Variants in CDH12 observed in about 807,000 individuals in gnomAD.
CDH12 encodes cadherin 12.
In CDH12, 41 loss-of-function variants were observed where a neutral mutation model predicts 74.1. The observed-to-expected ratio is 0.55, with a 90% confidence interval of 0.43 to 0.72. The LOEUF (loss-of-function observed/expected upper bound fraction) is 0.72, where lower values mean the gene tolerates loss of function less well. Among genes scored for constraint, CDH12 ranks in the 30% least tolerant of loss-of-function variants. CDH12 has a pLI of 0.00. For synonymous variants in CDH12, 399 were observed against 355.0 expected (o/e 1.12, Z -1.39); for missense variants, 945 against 977.2 (o/e 0.97, Z 0.44).
intron 5 of CDH12, among the ~76,000 whole-genome samples, chr5:21,977,313 C>G (rs1757110739): frequency 6.6e-6 from 1 of 151,964 alleles, no homozygotes; most frequent in Admixed American, 6.6e-5. Context: ...AGCATAAAAT[C>G]AAGCAGTAGA....
At chr5:22,135,758 A>T (rs548727349) in intron 4 of CDH12, among the ~76,000 whole-genome samples, 1 of 152,036 alleles carries the variant, frequency 6.6e-6, no homozygotes, top group Non-Finnish European at 1.5e-5. Flanking sequence ...CTGGTGACTG[A>T]TGGTGGGTAA....
chr5:21,830,199 CAAAAAAAAAAAAAAAAAA>C (rs1055199877), intron 8 of CDH12, among the ~76,000 whole-genome samples: 1 of 25,234 alleles, frequency 4.0e-5, no homozygotes, highest in African/African-American at 1.2e-4. Flanking sequence ...AACTCCTTCT[CAAAAAAAAAAAAAAAAAA>C]AAAAAAAAAA....
chr5:22,252,885 A>G (rs1351089298), intron 3 of CDH12, among the ~76,000 whole-genome samples: 1 of 151,820 alleles, frequency 6.6e-6, no homozygotes, highest in Non-Finnish European at 1.5e-5. Flanking sequence ...TACTGAAAAC[A>G]TGTATCCTTT....
At chr5:22,050,389 G>A (rs564517552) in intron 5 of CDH12, among the ~76,000 whole-genome samples, 2 of 152,158 alleles carry the variant, frequency 1.3e-5, no homozygotes, top group East Asian at 3.9e-4. Flanking sequence ...TTTCAAATAT[G>A]TGTGACTGTG....
intron 5 of CDH12, among the ~76,000 whole-genome samples, chr5:22,024,937 T>A (rs999888585): frequency 6.6e-6 from 1 of 152,176 alleles, no homozygotes; most frequent in African/African-American, 2.4e-5. Flanking sequence ...TTTGTCTTTA[T>A]AGAAACCCAC....
At chr5:22,366,382 A>G (rs1009781732) in intron 3 of CDH12, among the ~76,000 whole-genome samples, 15 of 152,206 alleles carry the variant, frequency 9.9e-5, no homozygotes, top group African/African-American at 3.4e-4. Context: ...ATGTATAGAG[A>G]TAGATAAATA....
intron 7 of CDH12, among the ~76,000 whole-genome samples, chr5:21,847,881 TG>T (rs1750262982): frequency 6.6e-6 from 1 of 152,166 alleles, no homozygotes; most frequent in Admixed American, 6.6e-5. Flanking sequence ...TTATTCTGTT[TG>T]TTTTATGTTT....
intron 1 of CDH12, chr5:22,639,057 A>C: frequency 2.6e-5 from 1 of 38,066 alleles, no homozygotes; most frequent in Non-Finnish European, 4.9e-5. Flanking sequence ...CCTCAAAAAA[A>C]AAAAAAAAAA....
intron 6 of CDH12, among the ~76,000 whole-genome samples, chr5:21,917,068 C>T (rs2150068671): frequency 6.6e-6 from 1 of 152,270 alleles, no homozygotes; most frequent in South Asian, 2.1e-4. Flanking sequence ...CTCTCTAGGC[C>T]CCCTTTTCTG....
chr5:22,539,536 G>A (rs914398843), intron 1 of CDH12, among the ~76,000 whole-genome samples: 8 of 152,266 alleles, frequency 5.3e-5, no homozygotes, highest in South Asian at 4.1e-4. Context: ...ACAACCAATC[G>A]TCTCCTTGCT....
intron 1 of CDH12, among the ~76,000 whole-genome samples, chr5:22,818,003 G>T (rs1174841954): frequency 1.3e-5 from 2 of 152,174 alleles, no homozygotes; most frequent in African/African-American, 4.8e-5. Context: ...TGGAAGGGTT[G>T]TGTAGTGTGT....
chr5:22,452,679 A>C (rs957715626), intron 2 of CDH12, among the ~76,000 whole-genome samples: 8 of 151,872 alleles, frequency 5.3e-5, no homozygotes, highest in African/African-American at 1.9e-4. Flanking sequence ...TTTTTTAGAC[A>C]GGAACTCAAA....
At chr5:22,592,316 T>C (rs1736374926) in intron 1 of CDH12, among the ~76,000 whole-genome samples, 1 of 152,164 alleles carries the variant, frequency 6.6e-6, no homozygotes, top group Non-Finnish European at 1.5e-5. Context: ...TTCACCAAAG[T>C]GCAAACAGTA....
chr5:22,266,747 T>A (rs377596298), intron 3 of CDH12, among the ~76,000 whole-genome samples: 1 of 152,146 alleles, frequency 6.6e-6, no homozygotes, highest in Non-Finnish European at 1.5e-5. Flanking sequence ...AGCAGAGAAA[T>A]GCACTTGATG....
intron 5 of CDH12, among the ~76,000 whole-genome samples, chr5:22,041,569 G>A (rs1447268350): frequency 1.3e-5 from 2 of 151,936 alleles, no homozygotes; most frequent in East Asian, 3.9e-4. Context: ...AATCACAAGA[G>A]ACAAAGAAGA....
chr5:21,897,987 T>C (rs1477545603), intron 6 of CDH12, among the ~76,000 whole-genome samples: 1 of 151,720 alleles, frequency 6.6e-6, no homozygotes, highest in Admixed American at 6.6e-5. Flanking sequence ...GAGTAGGTTA[T>C]ATGCCACTTA....
At chr5:21,870,916 G>C (rs1259482822) in intron 6 of CDH12, among the ~76,000 whole-genome samples, 2 of 152,084 alleles carry the variant, frequency 1.3e-5, no homozygotes, top group African/African-American at 4.8e-5. Context: ...ATTTTTGGTA[G>C]AGACAGAATT....
intron 4 of CDH12, among the ~76,000 whole-genome samples, chr5:22,084,016 C>A (rs1470735128): frequency 6.6e-6 from 1 of 152,130 alleles, no homozygotes; most frequent in Non-Finnish European, 1.5e-5. Flanking sequence ...AGACTCCCAG[C>A]TTTCCACCCA....
rs527802732 is a variant in CDH12 at position 21,981,903 on chromosome 5, G to C, written c.232-6518C>G. 1.8e-3 allele frequency among the ~76,000 whole-genome samples: 268 copies of C among 152,132 alleles called. 3 individuals are homozygous for C. The highest frequency in any genetic ancestry group is 5.9e-3 in the African/African-American group (245 of 41,510). ...TACCCAGGCTGGTCTCAAACTTCTGGGCTCAAGCAATCTACCTGCCTATGC... is the reference window on the plus strand; with the variant it reads ...TACCCAGGCTGGTCTCAAACTTCTGCGCTCAAGCAATCTACCTGCCTATGC... On this transcript the variant is annotated intron_variant, in intron 5 of 14. Coordinates refer to ENST00000382254, the MANE Select transcript of CDH12 (RefSeq NM_004061.5).
Sources: gnomAD v4.1 joint callset for allele counts (sites outside exome capture counted in the v4.1 genomes callset) on GRCh38, gnomAD v4.1.1 for gene constraint, MANE v1.5 for transcripts, NCBI Gene and HGNC (gene_info 2026-07-23, HGNC 2026-07-21) for gene names.